The following LRRC4C variants were observed in gnomAD, a reference collection of about 807,000 sequenced individuals.
LRRC4C encodes leucine rich repeat containing 4C.
Under a neutral mutation model 33.6 loss-of-function variants are expected in LRRC4C, and 5 were observed. That is an observed-to-expected ratio of 0.15 (90% confidence interval 0.08 to 0.31). The LOEUF (loss-of-function observed/expected upper bound fraction) is 0.31, where lower values mean the gene tolerates loss of function less well. Among genes scored for constraint, LRRC4C ranks in the 10% least tolerant of loss-of-function variants. LRRC4C has a pLI of 1.00. For synonymous variants in LRRC4C, 329 were observed against 302.0 expected, an observed-to-expected ratio of 1.09 and a Z score of -0.93; for missense variants, 560 against 796.7, an observed-to-expected ratio of 0.70 and a Z score of 3.58.
chr11:40,307,512 C>T (rs1945099118), intron 4 of LRRC4C, among the ~76,000 whole-genome samples: 1 of 152,152 alleles, frequency 6.6e-6, no homozygotes, highest in Admixed American at 6.5e-5. Context: ...CAATTCTTTC[C>T]AACTGCATGA....
At chr11:40,974,762 A>G (rs1229295851) in intron 1 of LRRC4C, among the ~76,000 whole-genome samples, 1 of 152,178 alleles carries the variant, frequency 6.6e-6, no homozygotes, top group Admixed American at 6.6e-5. Flanking sequence ...AGTGGATATC[A>G]AATTGGCTGG....
intron 1 of LRRC4C, among the ~76,000 whole-genome samples, chr11:41,254,940 A>G (rs758100312): frequency 1.8e-4 from 27 of 152,064 alleles, no homozygotes; most frequent in Non-Finnish European, 3.4e-4. Context: ...GTGGAAAACC[A>G]AGGTTGTATG....
Position 40,362,593 on chromosome 11 carries a change from G to A in LRRC4C, c.-269-42872C>T, listed in dbSNP as rs137911077. ...AAATTAGTGAGGTGTGGTGGGGCACGACTGTAGTTCCAGCTACTTGGGAGG... is the reference window on the plus strand; with the variant it reads ...AAATTAGTGAGGTGTGGTGGGGCACAACTGTAGTTCCAGCTACTTGGGAGG... On this transcript the variant is annotated intron_variant, in intron 3 of 6. Coordinates refer to ENST00000528697, the MANE Select transcript of LRRC4C (RefSeq NM_001258419.2). Among the ~76,000 whole-genome samples, 121 of 152,154 alleles carry A rather than the reference G, an allele frequency of 8.0e-4. 1 individual carries two copies. In the Middle Eastern group the frequency reaches 0.01, roughly 13 times the overall value.
chr11:41,265,447 G>T (rs1302774432), intron 1 of LRRC4C, among the ~76,000 whole-genome samples: 1 of 152,134 alleles, frequency 6.6e-6, no homozygotes, highest in Non-Finnish European at 1.5e-5. Flanking sequence ...GGGACCTTAA[G>T]TCAAGGCATC....
At chr11:40,978,734 G>A (rs1007872637) in intron 1 of LRRC4C, among the ~76,000 whole-genome samples, 16 of 150,498 alleles carry the variant, frequency 1.1e-4, no homozygotes, top group Admixed American at 6.0e-4. Context: ...CGATTCTCCT[G>A]CCTCAACCTC....
At chr11:41,294,621 A>G (rs934397344) in intron 1 of LRRC4C, among the ~76,000 whole-genome samples, 1 of 152,120 alleles carries the variant, frequency 6.6e-6, no homozygotes, top group African/African-American at 2.4e-5. Context: ...ATATTATCCC[A>G]TTTCTTTAAT....
intron 1 of LRRC4C, among the ~76,000 whole-genome samples, chr11:41,025,167 A>G (rs1214380844): frequency 6.6e-6 from 1 of 151,628 alleles, no homozygotes; most frequent in South Asian, 2.1e-4. Flanking sequence ...ATGGCCTTTA[A>G]GTTTGCCAGT....
chr11:41,365,296 C>T (rs1432776087), intron 1 of LRRC4C, among the ~76,000 whole-genome samples: 5 of 151,712 alleles, frequency 3.3e-5, no homozygotes, highest in Admixed American at 6.6e-5. Context: ...TCACTGTCTC[C>T]CAACACCCCC....
intron 5 of LRRC4C, among the ~76,000 whole-genome samples, chr11:40,193,163 C>T (rs988672157): frequency 6.6e-6 from 1 of 152,186 alleles, no homozygotes; most frequent in Non-Finnish European, 1.5e-5. Flanking sequence ...GATGGGGAGA[C>T]ACCTCCCAGC....
intron 1 of LRRC4C, among the ~76,000 whole-genome samples, chr11:40,964,361 G>GT (rs774756139): frequency 4.5e-4 from 68 of 150,728 alleles, no homozygotes; most frequent in Non-Finnish European, 5.9e-4. Context: ...TTTAAGGGTA[G>GT]TTTTTTTTTA....
intron 1 of LRRC4C, among the ~76,000 whole-genome samples, chr11:41,095,215 C>T (rs181876186): frequency 6.6e-5 from 10 of 152,136 alleles, no homozygotes; most frequent in Admixed American, 2.0e-4. Flanking sequence ...GAGCGCACAA[C>T]GAGCAAGTGC....
At chr11:40,956,557 A>G (rs1015849072) in intron 1 of LRRC4C, among the ~76,000 whole-genome samples, 1 of 151,750 alleles carries the variant, frequency 6.6e-6, no homozygotes, top group African/African-American at 2.4e-5. Context: ...TTACCTTTCT[A>G]GGCTTATCCC....
intron 2 of LRRC4C, among the ~76,000 whole-genome samples, chr11:40,724,507 T>A (rs538948307): frequency 6.6e-6 from 1 of 152,196 alleles, no homozygotes; most frequent in Admixed American, 6.5e-5. Context: ...CTGAATGACA[T>A]CTGCATAAAC....
chr11:40,257,307 G>A (rs188318949), intron 4 of LRRC4C, among the ~76,000 whole-genome samples: 27 of 151,974 alleles, frequency 1.8e-4, no homozygotes, highest in East Asian at 3.9e-4. Flanking sequence ...CCTTCCTCTC[G>A]TTCTTTCTTC....
intron 2 of LRRC4C, among the ~76,000 whole-genome samples, chr11:40,661,274 T>A (rs1591398185): frequency 6.6e-6 from 1 of 151,890 alleles, no homozygotes; most frequent in African/African-American, 2.4e-5. Flanking sequence ...TATTTTCTAA[T>A]GATTTGAAAC....
intron 4 of LRRC4C, among the ~76,000 whole-genome samples, chr11:40,318,523 A>C (rs924004094): frequency 6.6e-6 from 1 of 152,126 alleles, no homozygotes; most frequent in African/African-American, 2.4e-5. Context: ...GTCTTGCACC[A>C]AGCCCATTAT....
At chr11:40,449,072 C>A (rs1432787168) in intron 3 of LRRC4C, among the ~76,000 whole-genome samples, 2 of 152,054 alleles carry the variant, frequency 1.3e-5, no homozygotes, top group Admixed American at 1.3e-4. Flanking sequence ...TGTTCATATC[C>A]TTTGCCTACT....
At chr11:41,292,940 A>C (rs1190767519) in intron 1 of LRRC4C, among the ~76,000 whole-genome samples, 1 of 152,186 alleles carries the variant, frequency 6.6e-6, no homozygotes. Context: ...ACATATGCAT[A>C]AAGCCTCAGG....
chr11:40,633,470 C>T (rs1478298039), intron 3 of LRRC4C, among the ~76,000 whole-genome samples: 1 of 150,918 alleles, frequency 6.6e-6, no homozygotes, highest in East Asian at 1.9e-4. Flanking sequence ...CTCACTGCAA[C>T]CTCCTCCTCC....
Sources: allele counts gnomAD v4.1 joint callset (sites outside exome capture counted in the v4.1 genomes callset), GRCh38; gene constraint gnomAD v4.1.1; transcripts MANE v1.5; gene names NCBI Gene and HGNC (gene_info 2026-07-23, HGNC 2026-07-21).